The following TBC1D19 variants were observed in gnomAD, a reference collection of about 807,000 sequenced individuals.
TBC1D19 encodes the protein TBC1 domain family, member 19.
Under a neutral mutation model 89.0 loss-of-function variants are expected in TBC1D19, and 60 were observed. The ratio of observed to expected loss-of-function variants is 0.67; its 90% CI spans 0.55 to 0.84. TBC1D19 has a LOEUF of 0.84. TBC1D19 is among the 40% of genes least tolerant of loss of function. The pLI is 0.00. For missense variants in TBC1D19, 500 were observed against 610.8 expected (o/e 0.82, Z 1.91); for synonymous variants, 189 against 199.7 (o/e 0.95, Z 0.45).
the TBC1D19 span, among the ~76,000 whole-genome samples, chr4:26,786,181 C>G: frequency 6.6e-6 from 1 of 152,318 alleles, no homozygotes; most frequent in African/African-American, 2.4e-5. Context: ...TTAAGCCTAG[C>G]CACCTTGCCT....
At chr4:26,644,080 C>A (rs999327106) in intron 7 of TBC1D19, among the ~76,000 whole-genome samples, 18 of 151,958 alleles carry the variant, frequency 1.2e-4, no homozygotes, top group Non-Finnish European at 1.8e-4. Context: ...TTTATGACAC[C>A]AGCATCATCC....
chr4:26,774,915 C>T, the TBC1D19 span, among the ~76,000 whole-genome samples: 1 of 152,184 alleles, frequency 6.6e-6, no homozygotes, highest in African/African-American at 2.4e-5. Flanking sequence ...TACATATGAG[C>T]AGCAGGCTTC....
chr4:26,770,557 G>A, the TBC1D19 span, among the ~76,000 whole-genome samples: 2 of 151,864 alleles, frequency 1.3e-5, no homozygotes, highest in Admixed American at 1.3e-4. Flanking sequence ...ATTGATAAAG[G>A]GGTGTTGAAA....
chr4:26,642,093 T>A (rs1743584957), intron 7 of TBC1D19, among the ~76,000 whole-genome samples: 1 of 151,798 alleles, frequency 6.6e-6, no homozygotes, highest in Non-Finnish European at 1.5e-5. Flanking sequence ...ACAAAGACAC[T>A]CCTCGAGAAG....
the TBC1D19 span, among the ~76,000 whole-genome samples, chr4:26,815,642 C>T: frequency 6.6e-6 from 1 of 152,224 alleles, no homozygotes; most frequent in African/African-American, 2.4e-5. Flanking sequence ...TTTTGTTGTA[C>T]AAAATATGTA....
intron 1 of TBC1D19, among the ~76,000 whole-genome samples, chr4:26,602,419 C>G (rs1740669527): frequency 6.6e-6 from 1 of 150,534 alleles, no homozygotes; most frequent in South Asian, 2.1e-4. Flanking sequence ...AAACTGATAC[C>G]AAACCCTATT....
chr4:26,787,393 C>T, the TBC1D19 span, among the ~76,000 whole-genome samples: 489 of 152,138 alleles, frequency 3.2e-3, 7 homozygotes, highest in East Asian at 1.2e-3. Flanking sequence ...TGAGCCACAG[C>T]GCCTGTCTAA....
At chr4:26,742,119 A>G (rs1181339660) in intron 17 of TBC1D19, among the ~76,000 whole-genome samples, 2 of 152,228 alleles carry the variant, frequency 1.3e-5, no homozygotes, top group African/African-American at 4.8e-5. Flanking sequence ...CACTAGGGAA[A>G]TAACTGGAAA....
At chr4:26,813,087 G>T in the TBC1D19 span, among the ~76,000 whole-genome samples, 1 of 151,860 alleles carries the variant, frequency 6.6e-6, no homozygotes, top group Non-Finnish European at 1.5e-5. Flanking sequence ...AGGTGTGGTG[G>T]CTCATGTCTG....
the TBC1D19 span, among the ~76,000 whole-genome samples, chr4:26,803,382 C>A: frequency 6.6e-6 from 1 of 152,172 alleles, no homozygotes; most frequent in African/African-American, 2.4e-5. Flanking sequence ...ACCATAAATA[C>A]CACCCAAGTC....
intron 11 of TBC1D19, among the ~76,000 whole-genome samples, chr4:26,680,865 T>C (rs540285616): frequency 6.6e-6 from 1 of 152,230 alleles, no homozygotes. Flanking sequence ...GGCTCTTAAG[T>C]GCATGTATTT....
chr4:26,616,186 A>G (rs1741689600), intron 3 of TBC1D19, among the ~76,000 whole-genome samples: 1 of 152,170 alleles, frequency 6.6e-6, no homozygotes, highest in African/African-American at 2.4e-5. Flanking sequence ...TAAAGACTAG[A>G]TAGGAGGACA....
chr4:26,607,916 C>T (rs779485964), intron 1 of TBC1D19, among the ~76,000 whole-genome samples: 4 of 152,118 alleles, frequency 2.6e-5, no homozygotes, highest in Non-Finnish European at 4.4e-5. Context: ...AAGTGATGAA[C>T]CTTAATGCAG....
At chr4:26,629,623 A>G (rs1473806351) in intron 4 of TBC1D19, among the ~76,000 whole-genome samples, 1 of 152,100 alleles carries the variant, frequency 6.6e-6, no homozygotes, top group Non-Finnish European at 1.5e-5. Flanking sequence ...AGAAACACAG[A>G]AACTTATGTT....
rs146625810 is a variant in TBC1D19 at position 26,724,478 on chromosome 4, CT to C, written c.1084+4357del. Among the ~76,000 whole-genome samples, 288 of 152,122 alleles carry C rather than the reference CT, an allele frequency of 1.9e-3. 4 individuals carry two copies. The East Asian group carries it at 0.041, about 22-fold the overall frequency. On this transcript the variant is annotated intron_variant, in intron 15 of 20. Transcript: ENST00000264866. ...GTGGGTTCTAGGTGTTGTTTAGTGA[CT>C]TTTCTAAATATTTTTATAAAGATAT...
chr4:26,610,524 G>A (rs1344047306), intron 1 of TBC1D19, among the ~76,000 whole-genome samples: 1 of 151,460 alleles, frequency 6.6e-6, no homozygotes, highest in Non-Finnish European at 1.5e-5. Context: ...TGTCACGGGG[G>A]TTTGGTGTAC....
chr4:26,730,006 T>G (rs187875245), intron 15 of TBC1D19, among the ~76,000 whole-genome samples: 39 of 152,300 alleles, frequency 2.6e-4, no homozygotes, highest in Admixed American at 2.6e-3. Context: ...AAAGATAACT[T>G]GAGCTCTCTA....
intron 18 of TBC1D19, among the ~76,000 whole-genome samples, chr4:26,742,909 C>G (rs993392941): frequency 6.6e-6 from 1 of 152,020 alleles, no homozygotes; most frequent in African/African-American, 2.4e-5. Flanking sequence ...TTTGTGGAAA[C>G]AAATACTACC....
At chr4:26,802,053 T>C in the TBC1D19 span, among the ~76,000 whole-genome samples, 3 of 152,312 alleles carry the variant, frequency 2.0e-5, no homozygotes, top group East Asian at 1.9e-4. Flanking sequence ...GATTAAAATA[T>C]ATACACCTTT....
Sources: gnomAD v4.1 joint callset for allele counts (sites outside exome capture counted in the v4.1 genomes callset) on GRCh38, gnomAD v4.1.1 for gene constraint, MANE v1.5 for transcripts, NCBI Gene and HGNC (gene_info 2026-07-23, HGNC 2026-07-21) for gene names.